The following NBAS variants were observed in gnomAD, a reference collection of about 807,000 sequenced individuals.
The protein encoded by NBAS is NBAS subunit of NRZ tethering complex.
In NBAS, 219 loss-of-function variants were observed where a neutral mutation model predicts 302.5. The ratio of observed to expected loss-of-function variants is 0.72; its 90% confidence interval spans 0.65 to 0.81. NBAS has a LOEUF of 0.81. NBAS is among the 30% of genes least tolerant of loss of function. The probability of loss-of-function intolerance (pLI) is 0.00; values close to 1 mark genes in which losing one functional copy is unlikely to be tolerated. For missense variants in NBAS, 2,932 were observed against 2,841.6 expected (o/e 1.03, Z -0.72); for synonymous variants, 1,118 against 1,021.6 (o/e 1.09, Z -1.80).
the NBAS span, among the ~76,000 whole-genome samples, chr2:15,115,995 G>C: frequency 1.3e-5 from 2 of 152,156 alleles, no homozygotes; most frequent in Non-Finnish European, 2.9e-5. Context: ...TAATGCCTTA[G>C]TTCTCATGCA....
chr2:15,454,029 G>A (rs1679139526), intron 21 of NBAS, among the ~76,000 whole-genome samples: 1 of 151,986 alleles, frequency 6.6e-6, no homozygotes, highest in Non-Finnish European at 1.5e-5. Flanking sequence ...CGCCCGCCTC[G>A]GCCTCCCAAA....
the NBAS span, among the ~76,000 whole-genome samples, chr2:14,977,422 A>G: frequency 0.01 from 1,541 of 152,340 alleles, 28 homozygotes; most frequent in African/African-American, 0.036. Context: ...AAATATACAG[A>G]CATTTTTCAT....
the NBAS span, among the ~76,000 whole-genome samples, chr2:14,899,414 AT>A: frequency 6.6e-6 from 1 of 152,212 alleles, no homozygotes; most frequent in Admixed American, 6.5e-5. Flanking sequence ...AGTCCAGATC[AT>A]TTTTTAGTTT....
chr2:15,405,877 A>C (rs186679196), intron 25 of NBAS, among the ~76,000 whole-genome samples: 4 of 152,258 alleles, frequency 2.6e-5, no homozygotes, highest in African/African-American at 9.6e-5. Flanking sequence ...AAAACATCTA[A>C]GAGGAATATT....
intron 25 of NBAS, among the ~76,000 whole-genome samples, chr2:15,403,017 A>G (rs1438057525): frequency 6.6e-6 from 1 of 152,238 alleles, no homozygotes; most frequent in Non-Finnish European, 1.5e-5. Flanking sequence ...ATTAATAAAT[A>G]TAGAATGAAA....
In NBAS at chr2:15,539,308, T is replaced by A; in HGVS notation, c.428A>T (p.Asp143Val). Reference protein sequence around the residue: ...PQWRRVAWSYDCTLLAYAEST... With the variant: ...PQWRRVAWSYVCTLLAYAEST... ...TTCGGCATAGGCCAGTAGGGTACAATCGTAACTCCATGCTACCCGTCTCCA... is the reference window on the plus strand; with the variant it reads ...TTCGGCATAGGCCAGTAGGGTACAAACGTAACTCCATGCTACCCGTCTCCA... Residue 143 changes from aspartate to valine, a missense_variant, in exon 7 of 52, where the codon GAT (aspartate) becomes GTT (valine). Coordinates refer to ENST00000281513, the MANE Select transcript of NBAS (RefSeq NM_015909.4). 6.2e-7 allele frequency: 1 copy of A among 1,614,232 alleles called. No individual in the cohort carries two copies. The highest frequency in any genetic ancestry group is 8.5e-7 in the Non-Finnish European group (1 of 1,180,046).
chr2:15,495,864 G>T (rs1681047496), intron 11 of NBAS, among the ~76,000 whole-genome samples: 1 of 152,066 alleles, frequency 6.6e-6, no homozygotes, highest in Admixed American at 6.5e-5. Context: ...CGCCACCTTG[G>T]AAAACTATCT....
the NBAS span, among the ~76,000 whole-genome samples, chr2:15,045,544 A>G: frequency 6.6e-6 from 1 of 152,150 alleles, no homozygotes; most frequent in African/African-American, 2.4e-5. Context: ...AATGTGGTGT[A>G]TACATATACA....
At chr2:15,444,413 C>T (rs1272564383) in intron 21 of NBAS, among the ~76,000 whole-genome samples, 4 of 152,148 alleles carry the variant, frequency 2.6e-5, no homozygotes, top group Non-Finnish European at 5.9e-5. Flanking sequence ...AAAGGATTCC[C>T]TATTTAATAA....
the NBAS span, among the ~76,000 whole-genome samples, chr2:15,095,114 A>G: frequency 1.4e-4 from 21 of 152,180 alleles, no homozygotes; most frequent in African/African-American, 4.8e-4. Flanking sequence ...AAACATGCAT[A>G]GGAGGTGGCC....
At chr2:15,318,391 T>C (rs527656129) in intron 38 of NBAS, among the ~76,000 whole-genome samples, 47 of 152,142 alleles carry the variant, frequency 3.1e-4, no homozygotes, top group African/African-American at 1.1e-3. Context: ...AATTCACACA[T>C]TAACAATATT....
At chr2:15,270,438 C>T (rs918096514) in intron 44 of NBAS, among the ~76,000 whole-genome samples, 1 of 152,172 alleles carries the variant, frequency 6.6e-6, no homozygotes, top group Non-Finnish European at 1.5e-5. Flanking sequence ...GCTGGGATTA[C>T]AGGCATGAGC....
chr2:15,329,151 T>C (rs1672206346), intron 36 of NBAS, among the ~76,000 whole-genome samples: 1 of 152,216 alleles, frequency 6.6e-6, no homozygotes. Flanking sequence ...AAGAGCCAAG[T>C]AAAAGGAATT....
At chr2:15,481,278 G>T (rs376311998) in intron 12 of NBAS, among the ~76,000 whole-genome samples, 8 of 152,198 alleles carry the variant, frequency 5.3e-5, no homozygotes, top group African/African-American at 1.7e-4. Context: ...AAACACTGCT[G>T]CTATGAATAT....
chr2:15,039,093 T>A, the NBAS span, among the ~76,000 whole-genome samples: 1 of 152,146 alleles, frequency 6.6e-6, no homozygotes, highest in Non-Finnish European at 1.5e-5. Flanking sequence ...GAATACACAC[T>A]CTGACTCTGA....
intron 16 of NBAS, among the ~76,000 whole-genome samples, chr2:15,471,302 T>C (rs1027280584): frequency 3.9e-5 from 6 of 152,236 alleles, no homozygotes; most frequent in Admixed American, 3.9e-4. Context: ...TTCCGTTTCA[T>C]TACCTCTCAT....
chr2:15,007,436 T>C, the NBAS span, among the ~76,000 whole-genome samples: 3 of 152,258 alleles, frequency 2.0e-5, no homozygotes, highest in Admixed American at 2.0e-4. Flanking sequence ...TTTGCCATCC[T>C]TTGCTCTCTT....
the NBAS span, among the ~76,000 whole-genome samples, chr2:14,928,660 T>C: frequency 6.6e-6 from 1 of 152,242 alleles, no homozygotes; most frequent in East Asian, 1.9e-4. Context: ...CAGTTGGGTT[T>C]TGTTTTTTTT....
the NBAS span, among the ~76,000 whole-genome samples, chr2:14,993,296 C>A: frequency 2.0e-5 from 3 of 152,188 alleles, no homozygotes; most frequent in African/African-American, 7.2e-5. Context: ...CTTTAACTCA[C>A]AATGGTCCCG....
Sources: allele counts gnomAD v4.1 joint callset (sites outside exome capture counted in the v4.1 genomes callset), GRCh38; gene constraint gnomAD v4.1.1; transcripts MANE v1.5; gene names NCBI Gene and HGNC (gene_info 2026-07-23, HGNC 2026-07-21).